The following KRT78 variants were observed in gnomAD, a reference collection of about 807,000 sequenced individuals.
KRT78 encodes the protein keratin 78.
In KRT78, 55 loss-of-function variants were observed where a neutral mutation model predicts 51.4. The ratio of observed to expected loss-of-function variants is 1.07; its 90% CI spans 0.86 to 1.34. KRT78 has a LOEUF of 1.34. KRT78 is among the 40% of genes most tolerant of loss of function. KRT78 has a pLI of 0.00. For missense variants in KRT78, 652 were observed against 649.4 expected, an observed-to-expected ratio of 1.00 and a Z score of -0.04; for synonymous variants, 291 against 264.3, an observed-to-expected ratio of 1.10 and a Z score of -0.98.
chr12:52,841,069 T>C (rs1423188983), intron 6 of KRT78, among the ~76,000 whole-genome samples: 1 of 152,180 alleles, frequency 6.6e-6, no homozygotes, highest in Non-Finnish European at 1.5e-5. Flanking sequence ...CATGGATCAC[T>C]ATCTGCAAGG....
chr12:52,846,211 G>A lies in KRT78; in HGVS notation c.742C>T (p.His248Tyr), dbSNP rs147437174. The change falls in exon 4 of 9, where the codon CAT (histidine) becomes TAT (tyrosine). Residue 248 changes from histidine (H) to tyrosine (Y), a missense_variant. Transcript: ENST00000304620. ...ALREYLYFLK[H>Y]LNEEELGQLQ... is the part of the protein sequence containing the mutation. ...TTGAGCCTCACTTCTTCATTCAGAT[G>A]CTTCAAGAAGTAGAGGTACTCTCTC... 6 of 1,612,234 alleles carry A rather than the reference G, an allele frequency of 3.7e-6. No individual in the cohort carries two copies. The African/African-American group carries it at 6.7e-5, about 18-fold the overall frequency.
At chr12:52,841,642 C>T (rs1253548381) in intron 6 of KRT78, among the ~76,000 whole-genome samples, 1 of 152,198 alleles carries the variant, frequency 6.6e-6, no homozygotes, top group Non-Finnish European at 1.5e-5. Flanking sequence ...TCGATTCCCA[C>T]TCTGTGGATA....
intron 5 of KRT78, 110 bp from the exon 6 acceptor site, chr12:52,844,328 C>T (rs60517281): frequency 0.039 from 52,897 of 1,345,314 alleles, 6,660 homozygotes; most frequent in African/African-American, 0.39. Flanking sequence ...GTGGGTTAAA[C>T]GCCTGAGCCA....
intron 2 of KRT78, among the ~76,000 whole-genome samples, chr12:52,847,641 C>T (rs1365932400): frequency 6.6e-6 from 1 of 152,236 alleles, no homozygotes; most frequent in Non-Finnish European, 1.5e-5. Flanking sequence ...GAAACATGGG[C>T]CCTTGTAGCT....
chr12:52,845,864 A>G, intron 4 of KRT78: 1 of 252,076 alleles, frequency 4.0e-6, no homozygotes, highest in Admixed American at 5.0e-5. Context: ...TGAGGCAGAG[A>G]ATTGCTTGAA....
intron 6 of KRT78, among the ~76,000 whole-genome samples, chr12:52,843,232 T>G (rs1940556213): frequency 6.7e-6 from 1 of 149,962 alleles, no homozygotes; most frequent in African/African-American, 2.5e-5. Context: ...CCAAGCATGG[T>G]GGTGAGTGCC....
At position 52,848,638 on chromosome 12, in the gene KRT78, A is replaced by G; in HGVS notation, c.293T>C (p.Ile98Thr). ...CACCTGGAACTGGGGATCGATCTCA[A>G]TCTTCAGTGGGGTCAGCAGATTCTG... ...INQNLLTPLKIEIDPQFQVVR... is the reference protein window; with the variant it reads ...INQNLLTPLKTEIDPQFQVVR... Residue 98 changes from isoleucine to threonine, a missense_variant, in exon 1 of 9, where the codon ATT becomes ACT. Ile to Thr is a moderately conservative substitution (Grantham distance 89). Coordinates refer to ENST00000304620, the MANE Select transcript of KRT78 (RefSeq NM_173352.4). 6.2e-7 allele frequency: 1 copy of G among 1,613,916 alleles called. No homozygotes were observed.
chr12:52,846,043 A>C (rs1940634232), intron 4 of KRT78, 154 bp downstream of exon 4: 2 of 606,140 alleles, frequency 3.3e-6, no homozygotes, highest in South Asian at 2.0e-5. Context: ...TCACATAGTA[A>C]GTTTTCAGTA....
intron 5 of KRT78, 107 bp from the exon 6 acceptor site, chr12:52,844,325 A>T (rs947786421): frequency 2.0e-5 from 27 of 1,364,414 alleles, no homozygotes; most frequent in Non-Finnish European, 2.7e-5. Flanking sequence ...AGTGTGGGTT[A>T]AACGCCTGAG....
At chr12:52,842,965 GGAAGGA>G (rs1565698754) in intron 6 of KRT78, among the ~76,000 whole-genome samples, 49 of 53,776 alleles carry the variant, frequency 9.1e-4, no homozygotes, top group African/African-American at 4.9e-3. Context: ...GAGAGAGGAA[GGAAGGA>G]AGGAAGGAAG....
At chr12:52,846,712 C>T (rs1447895986) in intron 3 of KRT78, 52 bp downstream of exon 3, 25 of 1,498,826 alleles carry the variant, frequency 1.7e-5, no homozygotes, top group East Asian at 2.3e-5. Flanking sequence ...GACTAGGCTC[C>T]GTGCACAGTG....
At position 52,848,886 on chromosome 12, in the gene KRT78, G is replaced by T; in HGVS notation, c.45C>A (p.Arg15=). ...CCCTTGAGCGAGCAGAACAGGCTGA[G>T]CGAGCGCTGAAGCCCCTCTGGGCCC... ...PCRAQRGFSA[R]SACSARSRGR... Residue 15 remains arginine (R), a synonymous_variant, in exon 1 of 9, where the codon CGC becomes CGA. Coordinates refer to ENST00000304620, the MANE Select transcript of KRT78 (RefSeq NM_173352.4). 6.3e-7 allele frequency: 1 copy of T among 1,598,508 alleles called. No homozygotes were observed.
intron 7 of KRT78, 46 bp downstream of exon 7, chr12:52,839,718 C>G (rs766068128): frequency 6.4e-7 from 1 of 1,564,602 alleles, no homozygotes. Context: ...GCATCCCATC[C>G]TCCTCCCCAA....
At chr12:52,840,036 C>T (rs1470378491) in intron 6 of KRT78, 52 bp from the exon 7 acceptor site, 5 of 1,316,464 alleles carry the variant, frequency 3.8e-6, no homozygotes, top group Non-Finnish European at 5.4e-6. Flanking sequence ...CCAACATAGC[C>T]TCTCAAAGCA....
intron 3 of KRT78, 86 bp downstream of exon 3, chr12:52,846,678 C>G: frequency 8.2e-7 from 1 of 1,219,340 alleles, no homozygotes; most frequent in South Asian, 1.3e-5. Flanking sequence ...ATCAGGACCT[C>G]CCACCTTTTC....
intron 6 of KRT78, 43 bp from the exon 7 acceptor site, chr12:52,840,027 C>T (rs780867071): frequency 1.1e-5 from 15 of 1,422,298 alleles, no homozygotes; most frequent in Non-Finnish European, 1.5e-5. Context: ...GTTGTAAGTC[C>T]AACATAGCCT....
At position 52,839,462 on chromosome 12, in the gene KRT78, C is replaced by A; in HGVS notation, c.1294G>T (p.Val432Phe). 1 of 1,606,422 alleles carries A rather than the reference C, an allele frequency of 6.2e-7. No individual in the cohort carries two copies. The highest frequency in any genetic ancestry group is 8.5e-7 in the Non-Finnish European group (1 of 1,176,542). Residue 432 changes from valine (V) to phenylalanine (F), a missense_variant, in exon 8 of 9, where the codon GTC becomes TTC. Val to Phe is a conservative substitution (Grantham distance 50, BLOSUM62 -1). Coordinates refer to ENST00000304620, the MANE Select transcript of KRT78 (RefSeq NM_173352.4). ...GTCCCCTGATACTCACAGATAGTGA[C>A]CTGGCTGGTGCACTCCCCAGACATC... ...CRMSGECTSQ[V>F]TISSVGGSAV...
Position 52,839,064 on chromosome 12 carries a change from G to A in KRT78, c.*49C>T, listed in dbSNP as rs370508710. The A allele has an allele frequency of 3.2e-6, 5 of 1,579,940 alleles. No individual in the cohort carries two copies. Among genetic ancestry groups the A allele is most frequent in the Admixed American group, 1.7e-5 (1 of 58,722 alleles). The stretch of plus-strand genomic sequence containing the variant: ...AGTTGGCCTTGCAGAGCCGGCTGAT[G>A]GGGGGAGTGGGCCAAATGTGTTCAG... On this transcript the variant is annotated 3_prime_UTR_variant, in exon 9 of 9. Transcript: ENST00000304620.
rs1193023544 is a variant in KRT78 at position 52,844,121 on chromosome 12, T to C, written c.1019A>G (p.Gln340Arg). The change falls in exon 6 of 9, where the codon CAG becomes CGG. Residue 340 changes from glutamine to arginine, a missense_variant. Gln to Arg is a conservative substitution (Grantham distance 43, BLOSUM62 1). Coordinates refer to ENST00000304620, the MANE Select transcript of KRT78 (RefSeq NM_173352.4). ...CTTCTTGAGGTTCTCAGTCTGACTC[T>C]GCAGCCTCTGAATCTCTTGGTGTAG... ...SQLHQEIQRL[Q>R]SQTENLKKQN... The C allele has an allele frequency of 6.2e-7, 1 of 1,613,112 alleles. No individual in the cohort carries two copies. Among genetic ancestry groups the C allele is most frequent in the South Asian group, 1.1e-5 (1 of 90,902 alleles).
Sources: gnomAD v4.1 joint callset for allele counts (sites outside exome capture counted in the v4.1 genomes callset) on GRCh38, gnomAD v4.1.1 for gene constraint, MANE v1.5 for transcripts, NCBI Gene and HGNC (gene_info 2026-07-23, HGNC 2026-07-21) for gene names.